CRIM1: variants seen among roughly 807,000 people sequenced by gnomAD.
CRIM1 encodes the protein cysteine-rich motor neuron 1 protein.
CRIM1 carries 32 observed loss-of-function variants against 116.4 expected under a neutral mutation model. That is an observed-to-expected ratio of 0.27 (90% CI 0.21 to 0.37). CRIM1 has a LOEUF of 0.37. CRIM1 is among the 10% of genes least tolerant of loss of function. CRIM1 has a pLI of 1.00. For missense variants in CRIM1, 1,331 were observed against 1,354.8 expected (o/e 0.98, Z 0.28); for synonymous variants, 590 against 509.2 (o/e 1.16, Z -2.13).
chr2:36,376,434 C>T (rs1194211455), intron 1 of CRIM1, among the ~76,000 whole-genome samples: 2 of 152,206 alleles, frequency 1.3e-5, no homozygotes, highest in Non-Finnish European at 2.9e-5. Flanking sequence ...ACTGCATTTC[C>T]TTGCTTACAG....
At chr2:36,379,412 T>A (rs140757507) in intron 1 of CRIM1, among the ~76,000 whole-genome samples, 118 of 152,352 alleles carry the variant, frequency 7.7e-4, no homozygotes, top group African/African-American at 2.8e-3. Context: ...GGACATCTGA[T>A]TTATGAGCCA....
intron 8 of CRIM1, among the ~76,000 whole-genome samples, chr2:36,502,650 A>G (rs2125091873): frequency 6.6e-6 from 1 of 152,320 alleles, no homozygotes; most frequent in Middle Eastern, 3.4e-3. Flanking sequence ...TGTAGCATAA[A>G]CACTCATGAA....
At chr2:36,357,481 A>G (rs190820212) in intron 1 of CRIM1, among the ~76,000 whole-genome samples, 25 of 151,844 alleles carry the variant, frequency 1.6e-4, no homozygotes, top group African/African-American at 5.8e-4. Flanking sequence ...GGAGAAACAG[A>G]TTAGATTAGT....
At chr2:36,398,751 T>A (rs1434104189) in intron 2 of CRIM1, among the ~76,000 whole-genome samples, 1 of 152,224 alleles carries the variant, frequency 6.6e-6, no homozygotes, top group African/African-American at 2.4e-5. Flanking sequence ...GTATGTGAGA[T>A]CTTGTAAGAA....
At position 36,418,298 on chromosome 2, in the gene CRIM1, T is replaced by G. The variant is rs1673777965; in HGVS notation, c.505+21511T>G. On this transcript the variant is annotated intron_variant, in intron 2 of 16. Transcript: ENST00000280527. ...TCCTGCCTCTCTCACTTTTCATGTT[T>G]GAGCTCTTTTTATTGTTTGCTTTTT... Among the ~76,000 whole-genome samples the G allele has an allele frequency of 2.0e-5, 3 of 152,166 alleles. No homozygotes were observed. The South Asian group carries it at 6.2e-4, about 32-fold the overall frequency.
chr2:36,456,551 C>T (rs1412994738), intron 4 of CRIM1, among the ~76,000 whole-genome samples: 2 of 152,162 alleles, frequency 1.3e-5, no homozygotes, highest in African/African-American at 4.8e-5. Context: ...CTCTCTAAAG[C>T]CATCCTACCA....
intron 2 of CRIM1, among the ~76,000 whole-genome samples, chr2:36,397,059 C>T (rs751190370): frequency 1.3e-4 from 20 of 152,156 alleles, no homozygotes; most frequent in South Asian, 2.1e-4. Flanking sequence ...ATTTCACAAG[C>T]GGTGTGCTTG....
At chr2:36,377,905 G>C (rs957345652) in intron 1 of CRIM1, among the ~76,000 whole-genome samples, 5 of 152,152 alleles carry the variant, frequency 3.3e-5, no homozygotes, top group African/African-American at 1.2e-4. Context: ...ATAACTGGGT[G>C]CCTATGATTT....
rs761037188 is a variant in CRIM1 at position 36,551,118 on chromosome 2, C to G, written c.*2417C>G. 4 of 152,566 alleles carry G rather than the reference C, an allele frequency of 2.6e-5. No individual in the cohort carries two copies. Among genetic ancestry groups the G allele is most frequent in the Non-Finnish European group, 4.4e-5 (3 of 68,014 alleles). The allele number at this position is 152,566 out of a possible 1,614,324, so 9.5% of individuals were successfully genotyped here. On this transcript the variant is annotated 3_prime_UTR_variant, in exon 17 of 17. Coordinates refer to ENST00000280527, the MANE Select transcript of CRIM1 (RefSeq NM_016441.3). ...AACTTGATTCTTGGCAGGAAATAAA[C>G]ATTTTGAGTTGAAATCACACAGTGT...
chr2:36,375,266 C>A (rs1017454394), intron 1 of CRIM1, among the ~76,000 whole-genome samples: 1 of 152,052 alleles, frequency 6.6e-6, no homozygotes, highest in South Asian at 2.1e-4. Context: ...AAAAAAACTT[C>A]GGATCATTAT....
At chr2:36,443,975 G>A (rs1676056270) in intron 4 of CRIM1, among the ~76,000 whole-genome samples, 1 of 152,194 alleles carries the variant, frequency 6.6e-6, no homozygotes, top group South Asian at 2.1e-4. Flanking sequence ...TTTATGTGCA[G>A]ATGCTTAGGA....
Position 36,548,864 on chromosome 2 carries a change from A to C in CRIM1, c.*163A>C. ...ATGGGCTCTGTCTACAGCAATGTGC[A>C]GAACAAGCATTCCCACTTTTCCTCA... On this transcript the variant is annotated 3_prime_UTR_variant, in exon 17 of 17. Transcript: ENST00000280527. The C allele has an allele frequency of 2.2e-6, 1 of 455,134 alleles. No homozygotes were observed. Among genetic ancestry groups the C allele is most frequent in the Admixed American group, 4.1e-5 (1 of 24,356 alleles). 28.2% of individuals were successfully genotyped at this position (455,134 alleles called of 1,614,324 possible). A position where few individuals can be genotyped will look rare whatever the true frequency, so the allele number is the denominator to read the frequency against.
intron 1 of CRIM1, among the ~76,000 whole-genome samples, chr2:36,383,373 GTTTA>G (rs1670934469): frequency 1.3e-5 from 2 of 152,148 alleles, no homozygotes; most frequent in African/African-American, 4.8e-5. Context: ...TTATTATAAA[GTTTA>G]TTTCTTTGCA....
rs372192221 is a variant in CRIM1, at chr2:36,517,556, T to A, written c.2206+14T>A. 1.4e-5 allele frequency: 22 copies of A among 1,602,154 alleles called. No homozygotes were observed. Among genetic ancestry groups the A allele is most frequent in the Non-Finnish European group, 1.9e-5 (22 of 1,171,038 alleles). On this transcript the variant is annotated intron_variant, in intron 12 of 16. Coordinates refer to ENST00000280527, the MANE Select transcript of CRIM1 (RefSeq NM_016441.3). Reference sequence around the variant, plus strand: ...CACAGTGTACAGGTAAGCGACACCATGCCTTGTGGGTGCTTGGTGGGGAAG... The same window carrying A: ...CACAGTGTACAGGTAAGCGACACCAAGCCTTGTGGGTGCTTGGTGGGGAAG...
chr2:36,491,584 G>C (rs1453444434), intron 7 of CRIM1, among the ~76,000 whole-genome samples: 1 of 152,182 alleles, frequency 6.6e-6, no homozygotes, highest in Non-Finnish European at 1.5e-5. Flanking sequence ...TAGGTGCTTA[G>C]ATGTCTTTCG....
chr2:36,377,773 G>A (rs1396729063), intron 1 of CRIM1, among the ~76,000 whole-genome samples: 1 of 152,162 alleles, frequency 6.6e-6, no homozygotes, highest in Non-Finnish European at 1.5e-5. Context: ...GTGGGAAAGT[G>A]ATTTCCTTCT....
At chr2:36,536,756 C>T (rs1039310361) in intron 13 of CRIM1, among the ~76,000 whole-genome samples, 5 of 152,138 alleles carry the variant, frequency 3.3e-5, no homozygotes, top group Non-Finnish European at 7.3e-5. Context: ...CCTGTATATA[C>T]TGTACAGACA....
At chr2:36,428,553 A>G (rs552953750) in intron 2 of CRIM1, among the ~76,000 whole-genome samples, 4 of 152,344 alleles carry the variant, frequency 2.6e-5, no homozygotes, top group Non-Finnish European at 5.9e-5. Context: ...AGGCTTGTGG[A>G]TGACAAAGCG....
At position 36,513,639 on chromosome 2, in the gene CRIM1, T is replaced by A; in HGVS notation, c.1864T>A (p.Trp622Arg). The A allele has an allele frequency of 6.2e-7, 1 of 1,614,208 alleles. No individual in the cohort carries two copies. Among genetic ancestry groups the A allele is most frequent in the Non-Finnish European group, 8.5e-7 (1 of 1,180,026 alleles). ...DGHHHKNEESWHDGCRECYCL... is the reference protein window; with the variant it reads ...DGHHHKNEESRHDGCRECYCL... Reference sequence around the variant, plus strand: ...TCATCATCATAAAAATGAGGAGAGCTGGCACGATGGGTGCCGGGAATGCTA... The same window carrying A: ...TCATCATCATAAAAATGAGGAGAGCAGGCACGATGGGTGCCGGGAATGCTA... The change falls in exon 11 of 17, where the codon TGG (tryptophan) becomes AGG (arginine). Residue 622 changes from tryptophan (W) to arginine (R), a missense_variant. By Grantham distance (101) the Trp-to-Arg change is moderately radical. Around this residue, in one of 3 missense-constraint regions of CRIM1, gnomAD observed 358 missense variants for 436.1 expected, o/e 0.82. Coordinates refer to ENST00000280527, the MANE Select transcript of CRIM1 (RefSeq NM_016441.3).
Sources: gnomAD v4.1 joint callset for allele counts (sites outside exome capture counted in the v4.1 genomes callset) on GRCh38, gnomAD v4.1.1 for gene constraint, gnomAD v4.1.1 regional missense constraint, MANE v1.5 for transcripts, NCBI Gene and HGNC (gene_info 2026-07-23, HGNC 2026-07-21) for gene names.